CCDC92B: variants seen among roughly 807,000 people sequenced by gnomAD.
CCDC92B encodes coiled-coil domain-containing 92B.
CCDC92B carries 2 observed loss-of-function variants against 5.6 expected under a neutral mutation model. The observed-to-expected ratio is 0.36, with a 90% confidence interval of 0.15 to 1.12. The LOEUF (loss-of-function observed/expected upper bound fraction) is 1.12, where lower values mean the gene tolerates loss of function less well. Ranked by LOEUF, CCDC92B falls within the 50% of genes most tolerant of loss-of-function variation. The probability of loss-of-function intolerance (pLI) is 0.40; values close to 1 mark genes in which losing one functional copy is unlikely to be tolerated. For synonymous variants in CCDC92B, 115 were observed against 122.3 expected, an observed-to-expected ratio of 0.94 and a Z score of 0.39; for missense variants, 271 against 262.2, an observed-to-expected ratio of 1.03 and a Z score of -0.23.
At chr17:2,727,611 G>A (rs1437309903) in intron 3 of CCDC92B, among the ~76,000 whole-genome samples, 1 of 151,892 alleles carries the variant, frequency 6.6e-6, no homozygotes, top group Non-Finnish European at 1.5e-5. Context: ...GGATCACAAG[G>A]TCAGGAGTTC....
At chr17:2,733,045 A>C (rs1245557351) in intron 2 of CCDC92B, among the ~76,000 whole-genome samples, 1 of 149,140 alleles carries the variant, frequency 6.7e-6, no homozygotes, top group Non-Finnish European at 1.5e-5. Flanking sequence ...TAAATAAATA[A>C]ATAAATAAAT....
At chr17:2,744,447 T>C (rs1467194288) in intron 1 of CCDC92B, among the ~76,000 whole-genome samples, 1 of 152,154 alleles carries the variant, frequency 6.6e-6, no homozygotes, top group Non-Finnish European at 1.5e-5. Flanking sequence ...GGCTTTGGCA[T>C]CTCAAAAGTG....
chr17:2,748,539 T>TGC (rs2071015866), intron 1 of CCDC92B: 7 of 945,290 alleles, frequency 7.4e-6, no homozygotes, highest in Non-Finnish European at 8.8e-6. Flanking sequence ...TGTGTGTGTG[T>TGC]GCATGTGCCT....
chr17:2,737,465 CTTTTTTTTTTTTTT>C (rs34254249), intron 1 of CCDC92B, among the ~76,000 whole-genome samples: 22 of 60,318 alleles, frequency 3.6e-4, no homozygotes, highest in Admixed American at 8.7e-4. Flanking sequence ...ATAGGCCTTT[CTTTTTTTTTTTTTT>C]TTTTTTTTTT....
At chr17:2,729,779 T>C (rs1243362758) in intron 3 of CCDC92B, among the ~76,000 whole-genome samples, 1 of 152,216 alleles carries the variant, frequency 6.6e-6, no homozygotes, top group Non-Finnish European at 1.5e-5. Context: ...CTACACCCAT[T>C]GAACTCCCCC....
chr17:2,738,912 A>C (rs1012332814), intron 1 of CCDC92B, among the ~76,000 whole-genome samples: 4 of 151,424 alleles, frequency 2.6e-5, no homozygotes, highest in Non-Finnish European at 5.9e-5. Context: ...CTGTACTAAA[A>C]ATACAAAAAT....
rs386385447 is a variant in CCDC92B, at chr17:2,733,744, C to CTTTTTTTT, written c.130+1264_130+1271dup. Among the ~76,000 whole-genome samples, 22 of 49,320 alleles carry CTTTTTTTT rather than the reference C, an allele frequency of 4.5e-4. 4 individuals carry two copies. Among genetic ancestry groups the CTTTTTTTT allele is most frequent in the African/African-American group, 1.6e-3 (18 of 11,560 alleles). 32.4% of individuals were successfully genotyped at this position (49,320 alleles called of 152,430 possible). On this transcript the variant is annotated intron_variant, in intron 2 of 3. Coordinates refer to ENST00000614400, the MANE Select transcript of CCDC92B (RefSeq NM_001355573.2). ...GTGATGGCTGAATCAGGACCACTGG[C>CTTTTTTTT]TTTTTTTTTTTTTTTTTTTTTTTTT... is the stretch of plus-strand genomic sequence containing the variant.
chr17:2,748,207 C>G, intron 1 of CCDC92B: 2 of 585,702 alleles, frequency 3.4e-6, no homozygotes, highest in Non-Finnish European at 6.4e-6. Context: ...TTCCAGTAGC[C>G]CAGTAGCCAG....
In CCDC92B at chr17:2,738,352, TCA is replaced by T. The variant is rs565212522; in HGVS notation, c.-23-3186_-23-3185del. Reference sequence around the variant, plus strand: ...TGGATCCAGCTGATTTATGGCTCTTTCAGTTACCTGCTGTGAGACTTTTGGCA... The same window carrying T: ...TGGATCCAGCTGATTTATGGCTCTTTGTTACCTGCTGTGAGACTTTTGGCA... On this transcript the variant is annotated intron_variant, in intron 1 of 3. Coordinates refer to ENST00000614400, the MANE Select transcript of CCDC92B (RefSeq NM_001355573.2). 2.0e-4 allele frequency among the ~76,000 whole-genome samples: 31 copies of T among 152,198 alleles called. 2 individuals are homozygous for T. In the East Asian group the frequency reaches 3.7e-3, roughly 18 times the overall value.
chr17:2,736,880 CAAAA>C (rs968572416), intron 1 of CCDC92B, among the ~76,000 whole-genome samples: 1 of 98,804 alleles, frequency 1.0e-5, no homozygotes, highest in Non-Finnish European at 1.9e-5. Flanking sequence ...GACTCTGTCT[CAAAA>C]AATAAATAAA....
In CCDC92B at chr17:2,724,207, CGAG is replaced by C. The variant is rs540284823; in HGVS notation, c.*201_*203del. 3.1e-3 allele frequency: 3,085 copies of C among 985,256 alleles called. 9 individuals are homozygous for C. The highest frequency in any genetic ancestry group is 3.5e-3 in the Non-Finnish European group (2,878 of 829,866). 61.0% of individuals were successfully genotyped at this position (985,256 alleles called of 1,614,324 possible). A position where few individuals can be genotyped will look rare whatever the true frequency, so the allele number is the denominator to read the frequency against. On this transcript the variant is annotated 3_prime_UTR_variant, in exon 4 of 4. Transcript: ENST00000614400. The surrounding 1 kb of genome is among the most constrained non-coding windows in gnomAD (Gnocchi z 5.0). ...TCGGCCCCGCGGAGGAACTCTCGCG[CGAG>C]GAGAGGGCTCGAAGCTTTGGAAACG...
At chr17:2,747,807 C>A (rs559654069) in intron 1 of CCDC92B, among the ~76,000 whole-genome samples, 4 of 152,192 alleles carry the variant, frequency 2.6e-5, no homozygotes, top group Admixed American at 6.6e-5. Flanking sequence ...CTGGGGCAGT[C>A]GGAAAGCAGG....
rs952187512 is a variant in CCDC92B at position 2,734,936 on chromosome 17, G to A, written c.130+80C>T. 6.2e-6 allele frequency: 6 copies of A among 965,958 alleles called. No individual in the cohort carries two copies. In the African/African-American group the frequency reaches 1.1e-4, roughly 17 times the overall value. The allele number at this position is 965,958 out of a possible 1,614,324, so 59.8% of individuals were successfully genotyped here. A position where few individuals can be genotyped will look rare whatever the true frequency, so the allele number is the denominator to read the frequency against. ...AGTGTGAGGCTCACGGGGGCTGTTGGTGGGCACAACCCAGAGACAGTGGTT... is the reference window on the plus strand; with the variant it reads ...AGTGTGAGGCTCACGGGGGCTGTTGATGGGCACAACCCAGAGACAGTGGTT... On this transcript the variant is annotated intron_variant, in intron 2 of 3. Coordinates refer to ENST00000614400, the MANE Select transcript of CCDC92B (RefSeq NM_001355573.2).
rs1229901567 is a variant in CCDC92B, at chr17:2,720,859, G to C, written c.*3552C>G. On this transcript the variant is annotated 3_prime_UTR_variant, in exon 4 of 4. Coordinates refer to ENST00000614400, the MANE Select transcript of CCDC92B (RefSeq NM_001355573.2). ...ATGACAGTCACCCCTAAAGCACAGG[G>C]CTCTATTTCTGTGGGTGAGTGAATA... 1 of 152,206 alleles carries C rather than the reference G, an allele frequency of 6.6e-6. No individual in the cohort carries two copies. Among genetic ancestry groups the C allele is most frequent in the Non-Finnish European group, 1.5e-5 (1 of 68,046 alleles). 9.4% of individuals were successfully genotyped at this position (152,206 alleles called of 1,614,324 possible). A position where few individuals can be genotyped will look rare whatever the true frequency, so the allele number is the denominator to read the frequency against.
At chr17:2,733,489 C>A (rs1012287181) in intron 2 of CCDC92B, among the ~76,000 whole-genome samples, 1 of 151,990 alleles carries the variant, frequency 6.6e-6, no homozygotes, top group African/African-American at 2.4e-5. Flanking sequence ...GAACTCCCGA[C>A]CTCAGGTGAT....
chr17:2,739,092 G>A (rs1408081487), intron 1 of CCDC92B, among the ~76,000 whole-genome samples: 1 of 150,390 alleles, frequency 6.6e-6, no homozygotes, highest in Non-Finnish European at 1.5e-5. Flanking sequence ...AATAGGGCGG[G>A]CGCAATGGCT....
intron 1 of CCDC92B, among the ~76,000 whole-genome samples, chr17:2,744,703 T>C (rs17834980): frequency 6.6e-6 from 1 of 151,872 alleles, no homozygotes; most frequent in Non-Finnish European, 1.5e-5. Flanking sequence ...AGATGCCATG[T>C]GTTAGGGGTG....
chr17:2,724,908 C>A lies in CCDC92B; in HGVS notation c.271G>T (p.Val91Leu). 2.0e-6 allele frequency: 2 copies of A among 985,310 alleles called. No individual in the cohort carries two copies. Among genetic ancestry groups the A allele is most frequent in the Non-Finnish European group, 2.4e-6 (2 of 829,870 alleles). The allele number at this position is 985,310 out of a possible 1,614,324, so 61.0% of individuals were successfully genotyped here. A position where few individuals can be genotyped will look rare whatever the true frequency, so the allele number is the denominator to read the frequency against. The change falls in exon 4 of 4, where the codon GTG (valine) becomes TTG (leucine). Residue 91 changes from valine to leucine, a missense_variant. By Grantham distance (32) the Val-to-Leu change is conservative. Transcript: ENST00000614400. The surrounding 1 kb of genome is among the most constrained non-coding windows in gnomAD (Gnocchi z 5.0). ...AAANAELRREVAQREALVSAL... is the reference protein window; with the variant it reads ...AAANAELRRELAQREALVSAL... ...GACACCAGCGCCTCGCGCTGCGCCA[C>A]CTCCCGCCGCAGCTCCGCGTTGGCC...
rs1180328528 is a variant in CCDC92B at position 2,723,070 on chromosome 17, T to C, written c.*1341A>G. ...CCCGCCACTGCCAGATTCTGATAGG[T>C]TTAGGGGCATCCGTGGAGGGGGCCA... On this transcript the variant is annotated 3_prime_UTR_variant, in exon 4 of 4. Transcript: ENST00000614400. The C allele has an allele frequency of 6.5e-6, 1 of 152,996 alleles. No individual in the cohort carries two copies. The highest frequency in any genetic ancestry group is 1.9e-4 in the East Asian group (1 of 5,220). 9.5% of individuals were successfully genotyped at this position (152,996 alleles called of 1,614,324 possible).
Sources: gnomAD v4.1 joint callset for allele counts (sites outside exome capture counted in the v4.1 genomes callset) on GRCh38, gnomAD v4.1.1 for gene constraint, Gnocchi (gnomAD v3.1) non-coding constraint, MANE v1.5 for transcripts, NCBI Gene and HGNC (gene_info 2026-07-23, HGNC 2026-07-21) for gene names.